Variants in DENND5B observed in about 807,000 individuals in gnomAD.
DENND5B encodes DENN domain-containing protein 5B.
In DENND5B, 34 loss-of-function variants were observed where a neutral mutation model predicts 140.6. The ratio of observed to expected loss-of-function variants is 0.24; its 90% confidence interval spans 0.18 to 0.32. The LOEUF (loss-of-function observed/expected upper bound fraction) is 0.32, where lower values mean the gene tolerates loss of function less well. Ranked by LOEUF, DENND5B falls within the 10% of genes least tolerant of loss-of-function variation. The pLI, the probability that DENND5B is intolerant of heterozygous loss-of-function variation, is 1.00. For missense variants in DENND5B, 1,142 were observed against 1,560.2 expected, an observed-to-expected ratio of 0.73 and a Z score of 4.52; for synonymous variants, 551 against 562.1, an observed-to-expected ratio of 0.98 and a Z score of 0.28.
intron 1 of DENND5B, among the ~76,000 whole-genome samples, chr12:31,502,673 A>AC (rs1033851511): frequency 6.6e-6 from 1 of 152,080 alleles, no homozygotes; most frequent in African/African-American, 2.4e-5. Flanking sequence ...TGCTATCCAC[A>AC]CCCCCAACGT....
chr12:31,503,024 C>A (rs1947070916), intron 1 of DENND5B, among the ~76,000 whole-genome samples: 1 of 152,140 alleles, frequency 6.6e-6, no homozygotes, highest in Non-Finnish European at 1.5e-5. Context: ...AAGGGTGCCA[C>A]AGAGGGCACA....
chr12:31,389,477 T>G lies in DENND5B; in HGVS notation c.3488A>C (p.Glu1163Ala). 1 of 1,591,562 alleles carries G rather than the reference T, an allele frequency of 6.3e-7. No homozygotes were observed. The highest frequency in any genetic ancestry group is 8.6e-7 in the Non-Finnish European group (1 of 1,168,106). Residue 1163 changes from glutamate to alanine, a missense_variant, in exon 20 of 21, where the codon GAA becomes GCA. By Grantham distance (107) the Glu-to-Ala change is moderately radical. This residue lies in a region of DENND5B where 125 missense variants were observed against 179.0 expected (regional missense o/e 0.70). Coordinates refer to ENST00000389082, the MANE Select transcript of DENND5B (RefSeq NM_144973.4). The stretch of plus-strand genomic sequence containing the variant: ...ATTATCTAGAATCTGGTCAGTTGTT[T>G]CAAAATAAGCAACCACTTTCTCTGA... ...DFIEKVVAYF[E>A]TTDQILDNED...
intron 1 of DENND5B, among the ~76,000 whole-genome samples, chr12:31,549,433 T>C (rs1288108621): frequency 2.6e-5 from 4 of 152,124 alleles, no homozygotes; most frequent in Admixed American, 6.6e-5. Context: ...AATTACGCTA[T>C]CTATATGGCT....
In DENND5B at chr12:31,384,590, T is replaced by C. The variant is rs1300178253; in HGVS notation, c.*3013A>G. 1 of 152,154 alleles carries C rather than the reference T, an allele frequency of 6.6e-6. No individual in the cohort carries two copies. Among genetic ancestry groups the C allele is most frequent in the Admixed American group, 6.5e-5 (1 of 15,274 alleles). 9.4% of individuals were successfully genotyped at this position (152,154 alleles called of 1,614,324 possible). ...GCTCACAAGGTGACTGAAGGACCCA[T>C]CATCCAAGAGGATGTGTCAGTTCTG... On this transcript the variant is annotated 3_prime_UTR_variant, in exon 21 of 21. Coordinates refer to ENST00000389082, the MANE Select transcript of DENND5B (RefSeq NM_144973.4).
chr12:31,536,687 T>C (rs1188986575), intron 1 of DENND5B, among the ~76,000 whole-genome samples: 2 of 151,888 alleles, frequency 1.3e-5, no homozygotes, highest in African/African-American at 2.4e-5. Flanking sequence ...AAAGAAATAA[T>C]AGCAGAAACC....
At chr12:31,422,262 CCAA>C (rs149350386) in intron 11 of DENND5B, among the ~76,000 whole-genome samples, 70,713 of 138,454 alleles carry the variant, frequency 0.51, 18,123 homozygotes, top group East Asian at 0.81. Flanking sequence ...TACTAAAAAT[CCAA>C]AAAAAAAAAA....
At chr12:31,469,515 T>G (rs1417565834) in intron 3 of DENND5B, among the ~76,000 whole-genome samples, 1 of 152,170 alleles carries the variant, frequency 6.6e-6, no homozygotes, top group Admixed American at 6.5e-5. Context: ...AATAAACCAG[T>G]TAGCAATAAG....
chr12:31,575,970 C>CAGAA (rs1006951043), intron 1 of DENND5B, among the ~76,000 whole-genome samples: 1 of 148,108 alleles, frequency 6.8e-6, no homozygotes, highest in Non-Finnish European at 1.5e-5. Flanking sequence ...TCTCAAAAAA[C>CAGAA]AGAAAGAAAG....
At chr12:31,465,838 A>G (rs2138332592) in intron 3 of DENND5B, 1 of 152,680 alleles carries the variant, frequency 6.5e-6, no homozygotes, top group South Asian at 2.1e-4. Context: ...AAGAGCAAAG[A>G]CTAATCATGG....
chr12:31,418,282 C>CTTTTTTT (rs66507414), intron 11 of DENND5B, among the ~76,000 whole-genome samples: 6 of 133,062 alleles, frequency 4.5e-5, no homozygotes, highest in East Asian at 2.2e-4. Context: ...TTTTTCTTTT[C>CTTTTTTT]TTTTTTTTTT....
rs1232743080 is a variant in DENND5B at position 31,479,898 on chromosome 12, G to C, written c.595C>G (p.Pro199Ala). 2 of 1,613,826 alleles carry C rather than the reference G, an allele frequency of 1.2e-6. No individual in the cohort carries two copies. The highest frequency in any genetic ancestry group is 1.7e-6 in the Non-Finnish European group (2 of 1,179,840). ...AATTTCTTGCAGGCCTGCATGAATG[G>C]TAACGGTGTGATCAAGCATATACTT... is the stretch of plus-strand genomic sequence containing the variant. ...SKSICLITPLPFMQACKKFLI... is the reference protein window; with the variant it reads ...SKSICLITPLAFMQACKKFLI... Residue 199 changes from proline to alanine, a missense_variant, in exon 3 of 21, where the codon CCA becomes GCA. Pro to Ala is a conservative substitution (Grantham distance 27). Around this residue, in one of 5 missense-constraint regions of DENND5B, gnomAD observed 708 missense variants for 905.5 expected, o/e 0.78. Coordinates refer to ENST00000389082, the MANE Select transcript of DENND5B (RefSeq NM_144973.4).
intron 1 of DENND5B, among the ~76,000 whole-genome samples, chr12:31,507,265 T>C (rs1397485107): frequency 6.6e-6 from 1 of 152,088 alleles, no homozygotes; most frequent in African/African-American, 2.4e-5. Context: ...GCCTTCCTTG[T>C]AGCTAGGACT....
At chr12:31,515,475 A>G (rs1235443963) in intron 1 of DENND5B, among the ~76,000 whole-genome samples, 2 of 152,198 alleles carry the variant, frequency 1.3e-5, no homozygotes, top group Non-Finnish European at 2.9e-5. Context: ...TACTTCTGTA[A>G]GACCATTCCA....
At chr12:31,471,774 G>A (rs565242455) in intron 3 of DENND5B, among the ~76,000 whole-genome samples, 1 of 152,246 alleles carries the variant, frequency 6.6e-6, no homozygotes, top group Admixed American at 6.5e-5. Flanking sequence ...AGCTCACTAT[G>A]GAACAATCAC....
Position 31,433,235 on chromosome 12 carries a change from G to A in DENND5B, c.2026C>T (p.Arg676Trp), listed in dbSNP as rs771022934. The A allele has an allele frequency of 8.7e-6, 14 of 1,610,328 alleles. No individual in the cohort carries two copies. The highest frequency in any genetic ancestry group is 2.2e-5 in the East Asian group (1 of 44,752). Residue 676 changes from arginine to tryptophan, a missense_variant, in exon 8 of 21, where the codon CGG (arginine) becomes TGG (tryptophan). By Grantham distance (101) the Arg-to-Trp change is moderately radical. Coordinates refer to ENST00000389082, the MANE Select transcript of DENND5B (RefSeq NM_144973.4). ...GPTSNNRWVSRSATAQRRKER... is the reference protein window; with the variant it reads ...GPTSNNRWVSWSATAQRRKER... ...TTCCTGCGCTGTGCAGTGGCACTCCGACTTACCCAGCGACTGAAACAATCA... is the reference window on the plus strand; with the variant it reads ...TTCCTGCGCTGTGCAGTGGCACTCCAACTTACCCAGCGACTGAAACAATCA...
chr12:31,546,803 T>G (rs1948879174), intron 1 of DENND5B, among the ~76,000 whole-genome samples: 1 of 152,238 alleles, frequency 6.6e-6, no homozygotes, highest in African/African-American at 2.4e-5. Flanking sequence ...GTACTTTCTG[T>G]ATACTAAGTT....
At chr12:31,483,846 A>G (rs1946178581) in intron 2 of DENND5B, among the ~76,000 whole-genome samples, 1 of 149,938 alleles carries the variant, frequency 6.7e-6, no homozygotes, top group Non-Finnish European at 1.5e-5. Context: ...AGCAAATTAG[A>G]GCAGTTTTCT....
chr12:31,437,144 C>G (rs543373892), intron 7 of DENND5B, among the ~76,000 whole-genome samples: 8 of 88,078 alleles, frequency 9.1e-5, no homozygotes, highest in South Asian at 1.0e-3. Context: ...ACCTGCCCCC[C>G]CCTTTTTTTT....
At chr12:31,406,735 G>C (rs1193086588) in intron 14 of DENND5B, among the ~76,000 whole-genome samples, 9 of 152,172 alleles carry the variant, frequency 5.9e-5, no homozygotes, top group Admixed American at 4.6e-4. Flanking sequence ...TCCTCAAATT[G>C]AAAGAGTTAC....
Sources: gnomAD v4.1 joint callset for allele counts (sites outside exome capture counted in the v4.1 genomes callset) on GRCh38, gnomAD v4.1.1 for gene constraint, gnomAD v4.1.1 regional missense constraint, MANE v1.5 for transcripts, NCBI Gene and HGNC (gene_info 2026-07-23, HGNC 2026-07-21) for gene names.